CSMD1: variants seen among roughly 807,000 people sequenced by gnomAD.
CSMD1 encodes CUB and Sushi multiple domains 1.
Under a neutral mutation model 417.5 loss-of-function variants are expected in CSMD1, and 213 were observed. The observed-to-expected ratio is 0.51, with a 90% CI of 0.46 to 0.57. The LOEUF (loss-of-function observed/expected upper bound fraction) is 0.57. Ranked by LOEUF, CSMD1 falls within the 20% of genes least tolerant of loss-of-function variation. CSMD1 has a pLI of 0.00. For missense variants in CSMD1, 6,923 were observed against 4,529.7 expected (o/e 1.53, Z -15.17); for synonymous variants, 2,862 against 1,736.8 (o/e 1.65, Z -16.11).
intron 2 of CSMD1, among the ~76,000 whole-genome samples, chr8:4,536,665 T>C (rs932167636): frequency 6.6e-6 from 1 of 152,220 alleles, no homozygotes; most frequent in Non-Finnish European, 1.5e-5. Context: ...TGTACTTTGT[T>C]ATTTATTTAT....
At chr8:4,583,838 C>G (rs1482894266) in intron 2 of CSMD1, among the ~76,000 whole-genome samples, 1 of 152,078 alleles carries the variant, frequency 6.6e-6, no homozygotes, top group East Asian at 1.9e-4. Context: ...CACTCGTGTC[C>G]CCTTCCACAC....
intron 1 of CSMD1, among the ~76,000 whole-genome samples, chr8:4,796,111 C>G (rs1393668280): frequency 6.6e-6 from 1 of 152,054 alleles, no homozygotes; most frequent in Non-Finnish European, 1.5e-5. Flanking sequence ...AAGGAGTTTA[C>G]TGTCTGTGGA....
intron 3 of CSMD1, among the ~76,000 whole-genome samples, chr8:4,346,684 G>A (rs1011091392): frequency 2.6e-5 from 4 of 151,960 alleles, no homozygotes; most frequent in Admixed American, 2.0e-4. Context: ...AATTTGCCTC[G>A]TATGAGTGCT....
intron 26 of CSMD1, among the ~76,000 whole-genome samples, chr8:3,252,828 A>T (rs1390109102): frequency 1.3e-5 from 2 of 152,160 alleles, no homozygotes; most frequent in Non-Finnish European, 2.9e-5. Flanking sequence ...CATTTCTTCT[A>T]GATTTTCTAG....
chr8:4,946,931 C>G (rs567920212), intron 1 of CSMD1, among the ~76,000 whole-genome samples: 1 of 152,102 alleles, frequency 6.6e-6, no homozygotes, highest in South Asian at 2.1e-4. Context: ...TATGTACATA[C>G]GTATTTTAAT....
At chr8:3,946,913 C>T (rs1011452096) in intron 5 of CSMD1, among the ~76,000 whole-genome samples, 1 of 152,094 alleles carries the variant, frequency 6.6e-6, no homozygotes, top group African/African-American at 2.4e-5. Flanking sequence ...GCAACAGTGC[C>T]ACCTCACTTG....
At chr8:3,599,657 G>A (rs1269762036) in intron 8 of CSMD1, among the ~76,000 whole-genome samples, 1 of 152,140 alleles carries the variant, frequency 6.6e-6, no homozygotes, top group Admixed American at 6.5e-5. Flanking sequence ...CTATGTAACT[G>A]CAGCTTTATG....
At chr8:4,061,354 G>A (rs1029105384) in intron 3 of CSMD1, among the ~76,000 whole-genome samples, 2 of 152,170 alleles carry the variant, frequency 1.3e-5, no homozygotes, top group Non-Finnish European at 2.9e-5. Flanking sequence ...AAGAAAAGTA[G>A]AAGTAAAAAT....
intron 2 of CSMD1, among the ~76,000 whole-genome samples, chr8:4,454,268 A>G (rs1287437013): frequency 6.6e-6 from 1 of 152,092 alleles, no homozygotes; most frequent in Non-Finnish European, 1.5e-5. Flanking sequence ...CTCACTGCCT[A>G]ACTGGACTCC....
chr8:4,092,873 A>C (rs1385350029), intron 3 of CSMD1, among the ~76,000 whole-genome samples: 1 of 152,140 alleles, frequency 6.6e-6, no homozygotes, highest in Non-Finnish European at 1.5e-5. Flanking sequence ...GTAGAATTTA[A>C]ATAATTACTT....
At chr8:3,451,218 C>G (rs56923244) in intron 12 of CSMD1, among the ~76,000 whole-genome samples, 10,887 of 152,178 alleles carry the variant, frequency 0.072, 936 homozygotes, top group East Asian at 0.2. Flanking sequence ...GATATTAGCC[C>G]TTTGTCAGAT....
chr8:3,628,400 G>T (rs546579919), intron 7 of CSMD1, among the ~76,000 whole-genome samples: 1 of 152,318 alleles, frequency 6.6e-6, no homozygotes, highest in African/African-American at 2.4e-5. Flanking sequence ...CGTAGTCATG[G>T]GGACTTGGCC....
At position 4,210,349 on chromosome 8, in the gene CSMD1, G is replaced by A. The variant is rs535380080; in HGVS notation, c.416-178250C>T. 2.6e-5 allele frequency among the ~76,000 whole-genome samples: 4 copies of A among 152,310 alleles called. No homozygotes were observed. The South Asian group carries it at 8.3e-4, about 32-fold the overall frequency. ...TTGTGCTGTGTCAAGTAAGTTGTAT[G>A]ATACCAACTTTGAGACATTCAAATC... On this transcript the variant is annotated intron_variant, in intron 3 of 69. Coordinates refer to ENST00000635120, the MANE Select transcript of CSMD1 (RefSeq NM_033225.6).
chr8:3,446,849 G>T (rs80343186), intron 12 of CSMD1, among the ~76,000 whole-genome samples: 1,751 of 152,242 alleles, frequency 0.012, 26 homozygotes, highest in African/African-American at 0.038. Flanking sequence ...ACTTCTAGCT[G>T]GTTTCATTAG....
chr8:4,805,911 G>A (rs953340704), intron 1 of CSMD1, among the ~76,000 whole-genome samples: 4 of 152,108 alleles, frequency 2.6e-5, no homozygotes, highest in African/African-American at 9.7e-5. Context: ...CAAATGCGAT[G>A]GCTTGTGGAC....
intron 6 of CSMD1, among the ~76,000 whole-genome samples, chr8:3,747,135 G>T (rs189876656): frequency 6.6e-6 from 1 of 152,210 alleles, no homozygotes; most frequent in Non-Finnish European, 1.5e-5. Flanking sequence ...CTGACATGAA[G>T]CCAAGAGCAC....
At chr8:4,270,740 G>C (rs767154045) in intron 3 of CSMD1, among the ~76,000 whole-genome samples, 1 of 152,130 alleles carries the variant, frequency 6.6e-6, no homozygotes, top group African/African-American at 2.4e-5. Context: ...TATTGTGTTT[G>C]AGGACAGTGC....
At chr8:3,879,451 C>G (rs965483242) in intron 5 of CSMD1, among the ~76,000 whole-genome samples, 4 of 152,052 alleles carry the variant, frequency 2.6e-5, no homozygotes, top group Non-Finnish European at 5.9e-5. Flanking sequence ...AGAACAATGT[C>G]CCAGGTTTTT....
At chr8:2,989,888 G>A (rs1015546868) in intron 54 of CSMD1, among the ~76,000 whole-genome samples, 5 of 152,114 alleles carry the variant, frequency 3.3e-5, no homozygotes, top group Admixed American at 6.5e-5. Flanking sequence ...TCCTCTGGTC[G>A]TCTGCATAGT....
Sources: gnomAD v4.1 joint callset for allele counts (sites outside exome capture counted in the v4.1 genomes callset) on GRCh38, gnomAD v4.1.1 for gene constraint, MANE v1.5 for transcripts, NCBI Gene and HGNC (gene_info 2026-07-23, HGNC 2026-07-21) for gene names.